Variants in PEX5L observed in about 807,000 individuals in gnomAD.
PEX5L encodes PEX5-related protein.
In PEX5L, 30 loss-of-function variants were observed where a neutral mutation model predicts 84.0. The ratio of observed to expected loss-of-function variants is 0.36; its 90% CI spans 0.27 to 0.48. The LOEUF is 0.48. Ranked by LOEUF, PEX5L falls within the 20% of genes least tolerant of loss-of-function variation. The pLI, the probability that PEX5L is intolerant of heterozygous loss-of-function variation, is 0.99. For synonymous variants in PEX5L, 270 were observed against 283.1 expected (o/e 0.95, Z 0.46); for missense variants, 533 against 754.6 (o/e 0.71, Z 3.44).
chr3:179,861,554 G>T (rs1005687522), intron 7 of PEX5L, among the ~76,000 whole-genome samples: 1 of 152,214 alleles, frequency 6.6e-6, no homozygotes, highest in Non-Finnish European at 1.5e-5. Flanking sequence ...CTCTGGGCTT[G>T]CAGGAGCATC....
intron 8 of PEX5L, among the ~76,000 whole-genome samples, chr3:179,825,140 A>C (rs898497743): frequency 6.6e-6 from 1 of 152,146 alleles, no homozygotes; most frequent in East Asian, 1.9e-4. Context: ...GGCAGGAGTA[A>C]CCCTGCTGAT....
intron 2 of PEX5L, among the ~76,000 whole-genome samples, chr3:179,909,878 C>A (rs1764571435): frequency 6.6e-6 from 1 of 152,160 alleles, no homozygotes; most frequent in Non-Finnish European, 1.5e-5. Flanking sequence ...AGAAACCAAC[C>A]CTGCCCACAC....
rs1366265049 is a variant in PEX5L, at chr3:179,887,804, G to A, written c.199-20C>T. On this transcript the variant is annotated intron_variant, in intron 3 of 14. Coordinates refer to ENST00000467460, the MANE Select transcript of PEX5L (RefSeq NM_016559.3). Reference sequence around the variant, plus strand: ...CACCAGCTGAGAACAAATGAACAGAGGTGTCAAAGGGCTTTGTTAAACTGC... The same window carrying A: ...CACCAGCTGAGAACAAATGAACAGAAGTGTCAAAGGGCTTTGTTAAACTGC... The A allele has an allele frequency of 3.3e-6, 5 of 1,506,912 alleles. No individual in the cohort carries two copies. The highest frequency in any genetic ancestry group is 4.6e-6 in the Non-Finnish European group (5 of 1,083,386). The allele number at this position is 1,506,912 out of a possible 1,614,324, so 93.3% of individuals were successfully genotyped here.
At chr3:179,814,355 G>T (rs927494652) in intron 10 of PEX5L, among the ~76,000 whole-genome samples, 3 of 152,176 alleles carry the variant, frequency 2.0e-5, no homozygotes, top group African/African-American at 4.8e-5. Context: ...CACCCAATGA[G>T]ATAGTTACTA....
At chr3:179,961,860 C>A (rs1209776133) in intron 2 of PEX5L, among the ~76,000 whole-genome samples, 1 of 152,078 alleles carries the variant, frequency 6.6e-6, no homozygotes, top group Non-Finnish European at 1.5e-5. Context: ...AACGGATGGG[C>A]CTGAAAGCTG....
chr3:179,907,663 C>A (rs1763734314), intron 2 of PEX5L, among the ~76,000 whole-genome samples: 1 of 152,046 alleles, frequency 6.6e-6, no homozygotes, highest in Non-Finnish European at 1.5e-5. Flanking sequence ...AATATTGTTA[C>A]TAAATTATTG....
intron 2 of PEX5L, among the ~76,000 whole-genome samples, chr3:179,965,090 AACCAC>A (rs1783009291): frequency 6.6e-6 from 1 of 152,232 alleles, no homozygotes; most frequent in Non-Finnish European, 1.5e-5. Context: ...TCACAATGCT[AACCAC>A]ATGGCATGGC....
At chr3:179,840,290 G>A (rs1736710194) in intron 8 of PEX5L, among the ~76,000 whole-genome samples, 1 of 144,106 alleles carries the variant, frequency 6.9e-6, no homozygotes. Flanking sequence ...CCAGGTTCAA[G>A]TGATTCTCCC....
intron 1 of PEX5L, among the ~76,000 whole-genome samples, chr3:180,013,011 C>T (rs1789624613): frequency 6.6e-6 from 1 of 152,136 alleles, no homozygotes; most frequent in African/African-American, 2.4e-5. Flanking sequence ...CCATAAGAAA[C>T]TGCAATGGTC....
At chr3:179,916,395 T>C (rs565341398) in intron 2 of PEX5L, among the ~76,000 whole-genome samples, 12 of 152,214 alleles carry the variant, frequency 7.9e-5, no homozygotes, top group African/African-American at 2.9e-4. Context: ...CATATCTAAA[T>C]GTAGAAAATG....
chr3:179,984,958 A>C (rs958876552), intron 1 of PEX5L, among the ~76,000 whole-genome samples: 1 of 152,210 alleles, frequency 6.6e-6, no homozygotes, highest in Non-Finnish European at 1.5e-5. Flanking sequence ...AAGTGCTTGA[A>C]CACAAAATCA....
chr3:180,026,768 A>G (rs910620723), intron 1 of PEX5L, among the ~76,000 whole-genome samples: 11 of 152,194 alleles, frequency 7.2e-5, no homozygotes, highest in Non-Finnish European at 1.6e-4. Flanking sequence ...CTCTCAAGCC[A>G]GGCTGGACTC....
intron 7 of PEX5L, among the ~76,000 whole-genome samples, chr3:179,870,378 T>C (rs1749858310): frequency 6.6e-6 from 1 of 152,122 alleles, no homozygotes; most frequent in African/African-American, 2.4e-5. Context: ...CTCTGCACTC[T>C]TCAACCAGTT....
intron 2 of PEX5L, among the ~76,000 whole-genome samples, chr3:179,927,318 T>C (rs1409329364): frequency 6.6e-6 from 1 of 152,050 alleles, no homozygotes. Context: ...TGGCTTGAGA[T>C]CTGAAAGATA....
At chr3:179,897,934 T>A (rs929700895) in intron 3 of PEX5L, among the ~76,000 whole-genome samples, 4 of 152,166 alleles carry the variant, frequency 2.6e-5, no homozygotes, top group African/African-American at 9.7e-5. Context: ...AGTAATGAAA[T>A]TAATATTCAC....
chr3:179,880,094 G>C lies in PEX5L; in HGVS notation c.340C>G (p.Leu114Val). The change falls in exon 5 of 15, where the codon CTG (leucine) becomes GTG (valine). Residue 114 changes from leucine to valine, a missense_variant. Leu to Val is a conservative substitution (Grantham distance 32, BLOSUM62 1). This residue lies in a region of PEX5L where 259 missense variants were observed against 301.7 expected (regional missense o/e 0.86). Coordinates refer to ENST00000467460, the MANE Select transcript of PEX5L (RefSeq NM_016559.3). ...TGGGTTTGAGAGACTGGTTCACTCA[G>C]GTCGAGGAGATCTAAGCCAGTGGTC... The part of the protein sequence containing the change: ...VLTTGLDLLD[L>V]SEPVSQTQTK... 6.2e-7 allele frequency: 1 copy of C among 1,611,748 alleles called. No individual in the cohort carries two copies. Among genetic ancestry groups the C allele is most frequent in the African/African-American group, 1.3e-5 (1 of 74,860 alleles).
intron 7 of PEX5L, among the ~76,000 whole-genome samples, 158 bp downstream of exon 7, chr3:179,874,169 G>C (rs1270608020): frequency 1.3e-5 from 2 of 151,834 alleles, no homozygotes; most frequent in Non-Finnish European, 2.9e-5. Flanking sequence ...CTATATTTCA[G>C]CTATTTTAAG....
chr3:179,869,692 A>G (rs1265604650), intron 7 of PEX5L, among the ~76,000 whole-genome samples: 3 of 152,286 alleles, frequency 2.0e-5, no homozygotes, highest in East Asian at 3.9e-4. Flanking sequence ...AAGAAATGCA[A>G]TCTCCTTAGA....
intron 1 of PEX5L, among the ~76,000 whole-genome samples, chr3:180,034,023 C>T (rs993025575): frequency 6.6e-6 from 1 of 152,098 alleles, no homozygotes; most frequent in African/African-American, 2.4e-5. Flanking sequence ...GATGAATTAG[C>T]CATATGTATG....
Sources: gnomAD v4.1 joint callset for allele counts (sites outside exome capture counted in the v4.1 genomes callset) on GRCh38, gnomAD v4.1.1 for gene constraint, gnomAD v4.1.1 regional missense constraint, MANE v1.5 for transcripts, NCBI Gene and HGNC (gene_info 2026-07-23, HGNC 2026-07-21) for gene names.